Variants in RARB observed in about 807,000 individuals in gnomAD.
The protein encoded by RARB is HBV-activated protein.
A neutral mutation model predicts 51.9 loss-of-function variants in RARB; 17 were observed. The observed-to-expected ratio is 0.33, with a 90% CI of 0.22 to 0.49. The LOEUF is 0.49. Among genes scored for constraint, RARB ranks in the 20% least tolerant of loss-of-function variants. The pLI, the probability that RARB is intolerant of heterozygous loss-of-function variation, is 0.99. For synonymous variants in RARB, 215 were observed against 195.4 expected (o/e 1.10, Z -0.84); for missense variants, 369 against 550.8 (o/e 0.67, Z 3.30).
intron 2 of RARB, among the ~76,000 whole-genome samples, chr3:24,948,178 C>T (rs947273886): frequency 6.6e-6 from 1 of 152,152 alleles, no homozygotes; most frequent in Non-Finnish European, 1.5e-5. Context: ...CACTGGCAGC[C>T]TTGAAGATCT....
intron 2 of RARB, among the ~76,000 whole-genome samples, chr3:24,905,224 A>G (rs1055727979): frequency 2.0e-5 from 3 of 152,202 alleles, no homozygotes; most frequent in African/African-American, 7.2e-5. Flanking sequence ...GTGAATAGCC[A>G]TCTCTTCCTT....
At chr3:25,504,236 T>G (rs1271165241) in intron 3 of RARB, among the ~76,000 whole-genome samples, 1 of 152,234 alleles carries the variant, frequency 6.6e-6, no homozygotes, top group Non-Finnish European at 1.5e-5. Context: ...CAGCTGATTT[T>G]TGCTGTGCTG....
intron 1 of RARB, among the ~76,000 whole-genome samples, chr3:24,839,298 T>C (rs763584746): frequency 1.3e-5 from 2 of 152,096 alleles, no homozygotes; most frequent in Non-Finnish European, 2.9e-5. Context: ...TTTAACCTTA[T>C]TTGAGTGCCT....
chr3:25,225,014 T>G (rs1702024980), intron 5 of RARB, among the ~76,000 whole-genome samples: 2 of 152,170 alleles, frequency 1.3e-5, no homozygotes, highest in Admixed American at 1.3e-4. Flanking sequence ...TTTATAAATT[T>G]TATAAATCTA....
chr3:25,033,971 A>G (rs1379769407), intron 2 of RARB, among the ~76,000 whole-genome samples: 4 of 152,100 alleles, frequency 2.6e-5, no homozygotes, highest in African/African-American at 7.2e-5. Context: ...CTCTACTAAA[A>G]TCAGGTGACT....
chr3:25,293,943 C>T (rs983278965), intron 5 of RARB, among the ~76,000 whole-genome samples: 7 of 152,150 alleles, frequency 4.6e-5, no homozygotes, highest in Non-Finnish European at 1.0e-4. Context: ...CGGTTGTCTG[C>T]ACCCTTCTCA....
intron 3 of RARB, among the ~76,000 whole-genome samples, chr3:25,544,716 AG>A (rs1296166932): frequency 6.6e-6 from 1 of 151,966 alleles, no homozygotes; most frequent in East Asian, 1.9e-4. Flanking sequence ...TACACATTAC[AG>A]GCAATATCTC....
intron 3 of RARB, among the ~76,000 whole-genome samples, chr3:25,070,031 A>G (rs942650596): frequency 1.3e-5 from 2 of 152,296 alleles, no homozygotes; most frequent in African/African-American, 2.4e-5. Flanking sequence ...AGGCAAGGCC[A>G]TGCTCTCTCT....
intron 2 of RARB, among the ~76,000 whole-genome samples, chr3:24,972,780 T>A (rs754300642): frequency 6.6e-6 from 1 of 152,114 alleles, no homozygotes; most frequent in Non-Finnish European, 1.5e-5. Flanking sequence ...CGTGGCCATT[T>A]GTAAGTCTTC....
intron 2 of RARB, among the ~76,000 whole-genome samples, chr3:25,003,477 C>A (rs548837119): frequency 1.3e-5 from 2 of 152,186 alleles, no homozygotes; most frequent in South Asian, 4.1e-4. Flanking sequence ...TATCTTAGTA[C>A]TGATTTACAG....
intron 5 of RARB, among the ~76,000 whole-genome samples, chr3:25,253,833 C>T (rs1702791427): frequency 6.6e-6 from 1 of 152,090 alleles, no homozygotes; most frequent in South Asian, 2.1e-4. Context: ...AGTGGTCCCT[C>T]AAATTGCTTG....
At chr3:25,523,070 G>A (rs1698470474) in intron 3 of RARB, among the ~76,000 whole-genome samples, 1 of 152,200 alleles carries the variant, frequency 6.6e-6, no homozygotes, top group African/African-American at 2.4e-5. Flanking sequence ...TTGAAAACTG[G>A]ATTCGGTTTT....
chr3:25,049,970 T>TA (rs1305140686), intron 2 of RARB, among the ~76,000 whole-genome samples: 6 of 152,186 alleles, frequency 3.9e-5, no homozygotes, highest in Non-Finnish European at 7.3e-5. Flanking sequence ...TGGTGAGCAC[T>TA]ATTACACCTA....
chr3:25,597,632 A>ATATT lies in RARB; in HGVS notation c.*1017_*1020dup, dbSNP rs1308779091. ...CTTCTTGATGCCAAGGGGCTAATTA[A>ATATT]TATTAACAACTCCCAAAGAAACAGG... On this transcript the variant is annotated 3_prime_UTR_variant, in exon 8 of 8. Transcript: ENST00000330688. The ATATT allele has an allele frequency of 1.6e-4, 23 of 144,502 alleles. No individual in the cohort carries two copies. The highest frequency in any genetic ancestry group is 5.6e-4 in the African/African-American group (23 of 40,882). The allele number at this position is 144,502 out of a possible 1,614,324, so 9.0% of individuals were successfully genotyped here.
At chr3:25,187,842 G>A (rs371287426) in intron 5 of RARB, among the ~76,000 whole-genome samples, 8 of 152,102 alleles carry the variant, frequency 5.3e-5, no homozygotes, top group South Asian at 2.1e-4. Context: ...ATTTTGTTAC[G>A]ATGAATTTAT....
chr3:25,250,248 C>T (rs1702678963), intron 5 of RARB, among the ~76,000 whole-genome samples: 1 of 152,136 alleles, frequency 6.6e-6, no homozygotes, highest in African/African-American at 2.4e-5. Flanking sequence ...GATCCCCAGG[C>T]ATGCTTGTGC....
At chr3:24,968,829 C>T (rs962172769) in intron 2 of RARB, among the ~76,000 whole-genome samples, 6 of 152,038 alleles carry the variant, frequency 3.9e-5, no homozygotes, top group African/African-American at 1.4e-4. Flanking sequence ...GGTAGACTAC[C>T]CAAAGACTTG....
intron 5 of RARB, among the ~76,000 whole-genome samples, chr3:25,395,333 C>A (rs1707086289): frequency 6.6e-6 from 1 of 152,154 alleles, no homozygotes; most frequent in African/African-American, 2.4e-5. Context: ...TCTTGAGATT[C>A]TTTCCTTCAT....
chr3:24,973,360 G>C (rs937698036), intron 2 of RARB, among the ~76,000 whole-genome samples: 2 of 151,886 alleles, frequency 1.3e-5, no homozygotes, highest in South Asian at 4.1e-4. Flanking sequence ...TGCTATTTTG[G>C]TTAGTATAGC....
Sources: gnomAD v4.1 joint callset for allele counts (sites outside exome capture counted in the v4.1 genomes callset) on GRCh38, gnomAD v4.1.1 for gene constraint, MANE v1.5 for transcripts, NCBI Gene and HGNC (gene_info 2026-07-23, HGNC 2026-07-21) for gene names.